Variants in PLXNA4 observed in about 807,000 individuals in gnomAD.
The protein encoded by PLXNA4 is plexin-A4.
In PLXNA4, 44 loss-of-function variants were observed where a neutral mutation model predicts 191.8. The ratio of observed to expected loss-of-function variants is 0.23; its 90% CI spans 0.18 to 0.29. The LOEUF (loss-of-function observed/expected upper bound fraction) is 0.29, where lower values mean the gene tolerates loss of function less well. Among genes scored for constraint, PLXNA4 ranks in the 10% least tolerant of loss-of-function variants. PLXNA4 has a pLI of 1.00. For synonymous variants in PLXNA4, 1,082 were observed against 1,009.5 expected (o/e 1.07, Z -1.36); for missense variants, 1,800 against 2,488.8 (o/e 0.72, Z 5.89).
chr7:132,547,915 C>A (rs995700634), intron 1 of PLXNA4, among the ~76,000 whole-genome samples: 1 of 152,174 alleles, frequency 6.6e-6, no homozygotes, highest in African/African-American at 2.4e-5. Flanking sequence ...CTACAGATCC[C>A]AAGACCACTA....
chr7:132,307,520 T>C (rs1801571728), intron 3 of PLXNA4, among the ~76,000 whole-genome samples: 1 of 152,142 alleles, frequency 6.6e-6, no homozygotes, highest in Non-Finnish European at 1.5e-5. Flanking sequence ...TCGTGTTTCT[T>C]CATCCTCATG....
At chr7:132,619,390 A>T (rs1803216841) in intron 2 of PLXNA4, among the ~76,000 whole-genome samples, 2 of 152,246 alleles carry the variant, frequency 1.3e-5, no homozygotes, top group Non-Finnish European at 2.9e-5. Context: ...CAGATTAAAC[A>T]TAAAAAGTGA....
At chr7:132,348,359 C>G (rs1803334770) in intron 3 of PLXNA4, among the ~76,000 whole-genome samples, 1 of 152,204 alleles carries the variant, frequency 6.6e-6, no homozygotes, top group Non-Finnish European at 1.5e-5. Flanking sequence ...ATGTCACTAG[C>G]ATTTCTCCTG....
chr7:132,265,135 A>T (rs1460511793), intron 4 of PLXNA4, among the ~76,000 whole-genome samples: 2 of 152,184 alleles, frequency 1.3e-5, no homozygotes, highest in Non-Finnish European at 2.9e-5. Context: ...CCCTGAAGAG[A>T]CCTGGGTTTG....
chr7:132,274,660 A>T (rs559115320), intron 4 of PLXNA4, among the ~76,000 whole-genome samples: 1 of 151,960 alleles, frequency 6.6e-6, no homozygotes, highest in Non-Finnish European at 1.5e-5. Context: ...ATTTTGTAGA[A>T]TGTCTGTCAA....
At chr7:132,305,166 C>T (rs1161114887) in intron 3 of PLXNA4, among the ~76,000 whole-genome samples, 2 of 152,132 alleles carry the variant, frequency 1.3e-5, no homozygotes, top group South Asian at 4.2e-4. Context: ...AGTGGGACAC[C>T]TAGACGGTGG....
chr7:132,263,900 T>C (rs546781572), intron 4 of PLXNA4, among the ~76,000 whole-genome samples: 3 of 152,338 alleles, frequency 2.0e-5, no homozygotes, highest in African/African-American at 4.8e-5. Context: ...TTTCATTTGC[T>C]ACCACTGTAC....
At chr7:132,645,214 TCCCCA>T (rs1803843964) in intron 2 of PLXNA4, among the ~76,000 whole-genome samples, 1 of 152,192 alleles carries the variant, frequency 6.6e-6, no homozygotes, top group Non-Finnish European at 1.5e-5. Context: ...TGGCTCTGTG[TCCCCA>T]CCCAAATATC....
intron 1 of PLXNA4, among the ~76,000 whole-genome samples, chr7:132,561,035 A>G (rs1403983420): frequency 6.6e-6 from 1 of 152,038 alleles, no homozygotes; most frequent in Non-Finnish European, 1.5e-5. Flanking sequence ...GAGATCGCCA[A>G]GGCCTGACTG....
rs112324539 is a variant in PLXNA4 at position 132,311,800 on chromosome 7, T to C, written c.1372-13578A>G. 3.3e-3 allele frequency among the ~76,000 whole-genome samples: 500 copies of C among 152,138 alleles called. 10 individuals are homozygous for C. The highest frequency in any genetic ancestry group is 0.012 in the African/African-American group (485 of 41,512). ...AATTCATGAGTCCTGGGGTGAGGCA[T>C]GTGAATAGTTTACAGTCAGAAAATC... On this transcript the variant is annotated intron_variant, in intron 3 of 31. Coordinates refer to ENST00000321063, the MANE Select transcript of PLXNA4 (RefSeq NM_020911.2).
At chr7:132,551,371 A>G (rs530658145) in intron 1 of PLXNA4, among the ~76,000 whole-genome samples, 42 of 152,312 alleles carry the variant, frequency 2.8e-4, no homozygotes, top group Non-Finnish European at 5.1e-4. Context: ...ATACTAACCC[A>G]TATTGAACTG....
intron 5 of PLXNA4, among the ~76,000 whole-genome samples, chr7:132,231,959 G>A (rs1331050268): frequency 6.6e-6 from 1 of 152,208 alleles, no homozygotes; most frequent in Non-Finnish European, 1.5e-5. Flanking sequence ...AGCCAGGGAT[G>A]TTTTGACATT....
At chr7:132,275,264 A>T (rs1800229255) in intron 4 of PLXNA4, among the ~76,000 whole-genome samples, 1 of 152,200 alleles carries the variant, frequency 6.6e-6, no homozygotes, top group African/African-American at 2.4e-5. Flanking sequence ...GAAGTTGTAA[A>T]GATAGTAAAG....
chr7:132,436,751 A>G (rs1418596455), intron 3 of PLXNA4, among the ~76,000 whole-genome samples: 2 of 152,212 alleles, frequency 1.3e-5, no homozygotes, highest in Admixed American at 6.5e-5. Flanking sequence ...AGTGAGCGAG[A>G]GAGAGGAAAG....
In PLXNA4 at chr7:132,124,369, C is replaced by G. The variant is rs1794713988; in HGVS notation, c.*6110G>C. ...CGTCCTGTGCCTGGATTGCGGCTGA[C>G]TTCTGTGCACGAAAGTGTTCCTTAG... On this transcript the variant is annotated 3_prime_UTR_variant, in exon 32 of 32. Coordinates refer to ENST00000321063, the MANE Select transcript of PLXNA4 (RefSeq NM_020911.2). 1 of 152,200 alleles carries G rather than the reference C, an allele frequency of 6.6e-6. No homozygotes were observed. The highest frequency in any genetic ancestry group is 2.1e-4 in the South Asian group (1 of 4,822). 9.4% of individuals were successfully genotyped at this position (152,200 alleles called of 1,614,324 possible).
intron 4 of PLXNA4, among the ~76,000 whole-genome samples, chr7:132,255,856 C>A (rs1024966428): frequency 6.6e-6 from 1 of 152,208 alleles, no homozygotes; most frequent in Non-Finnish European, 1.5e-5. Context: ...AAGAGGAAAA[C>A]CCCAGCAAGT....
Position 132,359,906 on chromosome 7 carries a change from C to T in PLXNA4, c.1372-61684G>A, listed in dbSNP as rs1201162774. ...ACCTTATCCCCTTGGGAGCAGTGAC[C>T]TAATCAAGATGGCATAATTGCCTGT... is the stretch of plus-strand genomic sequence containing the variant. On this transcript the variant is annotated intron_variant, in intron 3 of 31. Coordinates refer to ENST00000321063, the MANE Select transcript of PLXNA4 (RefSeq NM_020911.2). Among the ~76,000 whole-genome samples, 3 of 152,164 alleles carry T rather than the reference C, an allele frequency of 2.0e-5. No individual in the cohort carries two copies. In the East Asian group the frequency reaches 5.8e-4, roughly 29 times the overall value.
intron 1 of PLXNA4, among the ~76,000 whole-genome samples, chr7:132,647,422 C>A (rs1306567498): frequency 6.6e-6 from 1 of 152,048 alleles, no homozygotes; most frequent in Non-Finnish European, 1.5e-5. Context: ...CATACAATCA[C>A]ACTATCATAC....
intron 4 of PLXNA4, among the ~76,000 whole-genome samples, chr7:132,291,050 A>G (rs1209692756): frequency 6.6e-6 from 1 of 152,186 alleles, no homozygotes; most frequent in African/African-American, 2.4e-5. Flanking sequence ...ACAGGTGCAC[A>G]CGGAGGCTGG....
Sources: allele counts gnomAD v4.1 joint callset (sites outside exome capture counted in the v4.1 genomes callset), GRCh38; gene constraint gnomAD v4.1.1; transcripts MANE v1.5; gene names NCBI Gene and HGNC (gene_info 2026-07-23, HGNC 2026-07-21).